Variants in GNG7 observed in about 807,000 individuals in gnomAD.
The protein encoded by GNG7 is guanine nucleotide-binding protein G(I)/G(S)/G(O) subunit gamma-7.
A neutral mutation model predicts 4.0 loss-of-function variants in GNG7; 1 was observed. The observed-to-expected ratio is 0.25, with a 90% CI of 0.09 to 1.18. The LOEUF is 1.18. GNG7 is among the 50% of genes most tolerant of loss of function. GNG7 has a pLI of 0.50. For synonymous variants in GNG7, 34 were observed against 36.9 expected (o/e 0.92, Z 0.29); for missense variants, 86 against 91.9 (o/e 0.94, Z 0.26).
intron 1 of GNG7, among the ~76,000 whole-genome samples, chr19:2,659,618 A>G (rs137870547): frequency 8.9e-4 from 104 of 116,856 alleles, no homozygotes; most frequent in Middle Eastern, 4.1e-3. Flanking sequence ...AAAAGAGAGG[A>G]GGGGAGGGAA....
At chr19:2,684,811 A>C (rs1472131249) in intron 1 of GNG7, among the ~76,000 whole-genome samples, 1 of 151,584 alleles carries the variant, frequency 6.6e-6, no homozygotes, top group Non-Finnish European at 1.5e-5. Context: ...CAACATGGAA[A>C]AACCTCGTCT....
chr19:2,541,051 C>T (rs899810299), intron 3 of GNG7, among the ~76,000 whole-genome samples: 8 of 152,250 alleles, frequency 5.3e-5, no homozygotes, highest in Admixed American at 2.6e-4. Context: ...ATGCACCCGG[C>T]CTGGCAGAGA....
At chr19:2,520,128 C>T (rs550119274) in intron 4 of GNG7, among the ~76,000 whole-genome samples, 7 of 152,334 alleles carry the variant, frequency 4.6e-5, no homozygotes, top group African/African-American at 1.7e-4. Flanking sequence ...TTGCAGTGAG[C>T]CGAGATCGCG....
At chr19:2,621,463 C>T (rs1201068739) in intron 2 of GNG7, among the ~76,000 whole-genome samples, 3 of 151,910 alleles carry the variant, frequency 2.0e-5, no homozygotes, top group Admixed American at 1.3e-4. Context: ...TTTGGGAGGC[C>T]GAGGTGGGCA....
At chr19:2,601,634 C>T (rs151298261) in intron 2 of GNG7, among the ~76,000 whole-genome samples, 4 of 152,050 alleles carry the variant, frequency 2.6e-5, no homozygotes, top group Non-Finnish European at 4.4e-5. Flanking sequence ...CAGTGAAGGC[C>T]GGGCATGGTG....
chr19:2,689,466 T>C (rs991438748), intron 1 of GNG7, among the ~76,000 whole-genome samples: 2 of 150,428 alleles, frequency 1.3e-5, no homozygotes, highest in Middle Eastern at 3.2e-3. Context: ...CTACTAAAAA[T>C]ACAAAAAATA....
At chr19:2,696,921 G>C (rs184494056) in intron 1 of GNG7, among the ~76,000 whole-genome samples, 1 of 152,178 alleles carries the variant, frequency 6.6e-6, no homozygotes, top group Non-Finnish European at 1.5e-5. Context: ...CTGGAGTGCA[G>C]TGCTCACCGC....
At chr19:2,564,202 T>C (rs1979832237) in intron 2 of GNG7, among the ~76,000 whole-genome samples, 1 of 152,162 alleles carries the variant, frequency 6.6e-6, no homozygotes, top group Non-Finnish European at 1.5e-5. Flanking sequence ...TCTCTGCAGA[T>C]GGAAGATGAT....
chr19:2,632,955 G>C (rs1982201483), intron 2 of GNG7: 1 of 152,282 alleles, frequency 6.6e-6, no homozygotes, highest in Non-Finnish European at 1.5e-5. Flanking sequence ...GGAGCCCTCA[G>C]CCCCTTGAAC....
chr19:2,697,278 G>A (rs1395516879), intron 1 of GNG7, among the ~76,000 whole-genome samples: 1 of 152,212 alleles, frequency 6.6e-6, no homozygotes, highest in African/African-American at 2.4e-5. Context: ...CGAGGTTCAA[G>A]TAACTGTTCG....
chr19:2,603,436 A>G (rs931559801), intron 2 of GNG7, among the ~76,000 whole-genome samples: 14 of 152,224 alleles, frequency 9.2e-5, no homozygotes, highest in Admixed American at 5.2e-4. Flanking sequence ...GAACCCCCGG[A>G]GCTTCTCGCA....
At position 2,609,845 on chromosome 19, in the gene GNG7, G is replaced by A. The variant is rs566450226; in HGVS notation, c.-78+36379C>T. On this transcript the variant is annotated intron_variant, in intron 2 of 4. Transcript: ENST00000382159. The surrounding 1 kb of genome is among the most constrained non-coding windows in gnomAD (Gnocchi z 4.4). ...GCCTCTGGGCCATTGGGGGACCCTC[G>A]GTGAGCCAGTGAACTCAGTGCACTT... 7.2e-5 allele frequency among the ~76,000 whole-genome samples: 11 copies of A among 152,242 alleles called. No individual in the cohort carries two copies. Among genetic ancestry groups the A allele is most frequent in the East Asian group, 5.8e-4 (3 of 5,180 alleles).
chr19:2,546,481 G>A lies in GNG7; in HGVS notation c.-38+8668C>T, dbSNP rs1043941862. On this transcript the variant is annotated intron_variant, in intron 3 of 4. Coordinates refer to ENST00000382159, the MANE Select transcript of GNG7 (RefSeq NM_052847.3). The surrounding 1 kb of genome is among the most constrained non-coding windows in gnomAD (Gnocchi z 6.3). ...CATGGAAGGGAGGGCCGCACTGGCT[G>A]GAAAATAGTGCCTTGTGACTGTCCC... Among the ~76,000 whole-genome samples the A allele has an allele frequency of 3.3e-5, 5 of 152,252 alleles. No homozygotes were observed. Among genetic ancestry groups the A allele is most frequent in the African/African-American group, 9.6e-5 (4 of 41,470 alleles).
At position 2,617,324 on chromosome 19, in the gene GNG7, A is replaced by C. The variant is rs574650739; in HGVS notation, c.-78+28900T>G. Among the ~76,000 whole-genome samples the C allele has an allele frequency of 9.8e-5, 15 of 152,328 alleles. No individual in the cohort carries two copies. The highest frequency in any genetic ancestry group is 3.6e-4 in the African/African-American group (15 of 41,586). ...CAGAAACTGGATCTTTCAGGGAGGC[A>C]GAGCTCACCAGCCATCCAGGCACTG... On this transcript the variant is annotated intron_variant, in intron 2 of 4. Coordinates refer to ENST00000382159, the MANE Select transcript of GNG7 (RefSeq NM_052847.3). This position sits in a 1 kb window ranked among gnomAD's most constrained non-coding sequence, Gnocchi z 4.7.
intron 2 of GNG7, among the ~76,000 whole-genome samples, chr19:2,586,634 C>G (rs888049610): frequency 6.6e-6 from 1 of 152,152 alleles, no homozygotes; most frequent in Admixed American, 6.6e-5. Flanking sequence ...TTTACACACA[C>G]GCACGCAAGC....
intron 1 of GNG7, among the ~76,000 whole-genome samples, chr19:2,695,370 T>C (rs1008784268): frequency 1.3e-5 from 2 of 152,054 alleles, no homozygotes; most frequent in Non-Finnish European, 2.9e-5. Context: ...TGTGCCACCC[T>C]GGGCTCAGGC....
At chr19:2,599,034 G>A (rs1981120253) in intron 2 of GNG7, among the ~76,000 whole-genome samples, 1 of 152,166 alleles carries the variant, frequency 6.6e-6, no homozygotes, top group South Asian at 2.1e-4. Flanking sequence ...GGGGAGAGGC[G>A]GGCACGAGGC....
intron 2 of GNG7, among the ~76,000 whole-genome samples, chr19:2,565,167 C>T (rs750048930): frequency 2.6e-5 from 4 of 152,192 alleles, no homozygotes; most frequent in South Asian, 2.1e-4. Context: ...ATGGGGAAAA[C>T]GGAAAACACA....
rs528651962 is a variant in GNG7 at position 2,588,791 on chromosome 19, T to C, written c.-77-33603A>G. Among the ~76,000 whole-genome samples, 4 of 152,200 alleles carry C rather than the reference T, an allele frequency of 2.6e-5. No individual in the cohort carries two copies. In the East Asian group the frequency reaches 7.7e-4, roughly 29 times the overall value. On this transcript the variant is annotated intron_variant, in intron 2 of 4. Coordinates refer to ENST00000382159, the MANE Select transcript of GNG7 (RefSeq NM_052847.3). Reference sequence around the variant, plus strand: ...TGATCACACCGCAGACCCCACCAGGTGGTCATCTTTCTGGGGAAACTGGCT... The same window carrying C: ...TGATCACACCGCAGACCCCACCAGGCGGTCATCTTTCTGGGGAAACTGGCT...
Sources: allele counts gnomAD v4.1 joint callset (sites outside exome capture counted in the v4.1 genomes callset), GRCh38; gene constraint gnomAD v4.1.1; non-coding constraint Gnocchi (gnomAD v3.1); transcripts MANE v1.5; gene names NCBI Gene and HGNC (gene_info 2026-07-23, HGNC 2026-07-21).